Variants in KCNB2 observed in about 807,000 individuals in gnomAD.
KCNB2 encodes potassium voltage-gated channel subfamily B member 2.
In KCNB2, 15 loss-of-function variants were observed where a neutral mutation model predicts 61.5. The observed-to-expected ratio is 0.24, with a 90% CI of 0.16 to 0.38. KCNB2 has a LOEUF of 0.38. Among genes scored for constraint, KCNB2 ranks in the 10% least tolerant of loss-of-function variants. KCNB2 has a pLI of 1.00. For missense variants in KCNB2, 828 were observed against 1,125.2 expected (o/e 0.74, Z 3.78); for synonymous variants, 457 against 446.0 (o/e 1.02, Z -0.31).
intron 2 of KCNB2, among the ~76,000 whole-genome samples, chr8:72,597,787 G>A (rs1480333045): frequency 6.6e-6 from 1 of 152,094 alleles, no homozygotes. Context: ...AACTTTATCA[G>A]CCAGGAAGTC....
chr8:72,844,328 C>T (rs1310949464), intron 2 of KCNB2, among the ~76,000 whole-genome samples: 1 of 152,154 alleles, frequency 6.6e-6, no homozygotes, highest in Non-Finnish European at 1.5e-5. Flanking sequence ...GATGGGTTTC[C>T]CTTTGTGGGT....
chr8:72,846,649 A>G (rs1476029802), intron 2 of KCNB2, among the ~76,000 whole-genome samples: 1 of 152,242 alleles, frequency 6.6e-6, no homozygotes, highest in Non-Finnish European at 1.5e-5. Context: ...CAACAGACAC[A>G]TGAAAAAATG....
intron 2 of KCNB2, among the ~76,000 whole-genome samples, chr8:72,761,862 A>G (rs1245691555): frequency 6.6e-6 from 1 of 152,214 alleles, no homozygotes; most frequent in African/African-American, 2.4e-5. Context: ...GGAGAGAGCT[A>G]CTTGCAAAAG....
chr8:72,868,071 ATTTATTTTTTTTTTTTT>A (rs1563409449), intron 2 of KCNB2, among the ~76,000 whole-genome samples: 1 of 141,624 alleles, frequency 7.1e-6, no homozygotes, highest in East Asian at 2.0e-4. Flanking sequence ...TTTTTTTATT[ATTTATTTTTTTTTTTTT>A]AGAGACAGGG....
At chr8:72,907,345 G>A (rs1806196745) in intron 2 of KCNB2, among the ~76,000 whole-genome samples, 1 of 151,982 alleles carries the variant, frequency 6.6e-6, no homozygotes, top group African/African-American at 2.4e-5. Flanking sequence ...GACAGAGCAA[G>A]ACTCCATCTC....
chr8:72,668,788 C>T (rs1049530050), intron 2 of KCNB2, among the ~76,000 whole-genome samples: 2 of 151,994 alleles, frequency 1.3e-5, no homozygotes, highest in African/African-American at 4.8e-5. Flanking sequence ...TTTGTCTCCC[C>T]AACTAGATCT....
intron 2 of KCNB2, among the ~76,000 whole-genome samples, chr8:72,790,567 T>G (rs1808924130): frequency 6.6e-6 from 1 of 152,074 alleles, no homozygotes; most frequent in Non-Finnish European, 1.5e-5. Flanking sequence ...TGAGAAAGAA[T>G]ATGTTTTTAA....
chr8:72,766,195 TTAAAGAA>T, intron 2 of KCNB2, among the ~76,000 whole-genome samples: 1 of 152,244 alleles, frequency 6.6e-6, no homozygotes, highest in African/African-American at 2.4e-5. Flanking sequence ...TTGAAGAGCT[TTAAAGAA>T]CACAGATTCC....
chr8:72,826,225 T>C (rs1801871257), intron 2 of KCNB2, among the ~76,000 whole-genome samples: 1 of 152,226 alleles, frequency 6.6e-6, no homozygotes, highest in African/African-American at 2.4e-5. Flanking sequence ...TAGCTGAGGC[T>C]GGAAGAGTCT....
intron 2 of KCNB2, among the ~76,000 whole-genome samples, chr8:72,787,511 T>C (rs1225479259): frequency 1.3e-5 from 2 of 151,946 alleles, no homozygotes; most frequent in East Asian, 3.9e-4. Context: ...TTTTAATTAG[T>C]ATAAGTATGG....
chr8:72,827,709 C>A lies in KCNB2; in HGVS notation c.580-108226C>A, dbSNP rs1236570249. On this transcript the variant is annotated intron_variant, in intron 2 of 2. Transcript: ENST00000523207. ...TTAATGAATATTGTTCTTTCTACAA[C>A]AAAATATCTTTCTAATTGCAATCAT... Among the ~76,000 whole-genome samples, 4 of 151,924 alleles carry A rather than the reference C, an allele frequency of 2.6e-5. No individual in the cohort carries two copies. The East Asian group carries it at 7.7e-4, about 29-fold the overall frequency.
chr8:72,672,648 A>G (rs1184388225), intron 2 of KCNB2, among the ~76,000 whole-genome samples: 3 of 151,698 alleles, frequency 2.0e-5, no homozygotes, highest in Non-Finnish European at 2.9e-5. Context: ...TTTTTTTAAT[A>G]TAACAGCAAC....
intron 2 of KCNB2, among the ~76,000 whole-genome samples, chr8:72,872,793 T>C (rs1289109646): frequency 6.6e-6 from 1 of 152,138 alleles, no homozygotes; most frequent in East Asian, 1.9e-4. Context: ...GAAAAGTAAG[T>C]TCTAGAACAA....
At chr8:72,575,650 T>C (rs561364018) in intron 2 of KCNB2, among the ~76,000 whole-genome samples, 6 of 152,276 alleles carry the variant, frequency 3.9e-5, no homozygotes, top group African/African-American at 1.4e-4. Context: ...CTTTGGGCAC[T>C]TTATTAATTT....
chr8:72,936,994 A>G lies in KCNB2; in HGVS notation c.1639A>G (p.Ile547Val). The G allele has an allele frequency of 6.2e-7, 1 of 1,614,120 alleles. No individual in the cohort carries two copies. Among genetic ancestry groups the G allele is most frequent in the Non-Finnish European group, 8.5e-7 (1 of 1,180,002 alleles). Residue 547 changes from isoleucine to valine, a missense_variant, in exon 3 of 3, where the codon ATC (isoleucine) becomes GTC (valine). Ile to Val is a conservative substitution (Grantham distance 29). Around this residue, in one of 4 missense-constraint regions of KCNB2, gnomAD observed 559 missense variants for 588.4 expected, o/e 0.95. Transcript: ENST00000523207. The surrounding 1 kb of genome is among the most constrained non-coding windows in gnomAD (Gnocchi z 5.6). ...AQKLEMLYNE[I>V]TKTQPHSHPN... is the part of the protein sequence containing the mutation. ...GAAACTGGAGATGCTATACAATGAA[A>G]TCACCAAGACACAGCCTCATTCTCA...
At chr8:72,684,937 T>C (rs1806825836) in intron 2 of KCNB2, among the ~76,000 whole-genome samples, 1 of 152,224 alleles carries the variant, frequency 6.6e-6, no homozygotes, top group African/African-American at 2.4e-5. Context: ...CTTTATTCCT[T>C]TGCACTATTA....
chr8:72,929,440 A>T (rs1381428907), intron 2 of KCNB2, among the ~76,000 whole-genome samples: 1 of 152,198 alleles, frequency 6.6e-6, no homozygotes, highest in Non-Finnish European at 1.5e-5. Context: ...TTCAAGGGAG[A>T]AAAAAGGTTG....
chr8:72,741,984 T>C (rs1807968095), intron 2 of KCNB2, among the ~76,000 whole-genome samples: 2 of 152,212 alleles, frequency 1.3e-5, no homozygotes, highest in South Asian at 4.1e-4. Flanking sequence ...GCAATCCCAC[T>C]ATTGGGTATC....
At chr8:72,837,567 T>G (rs6993196) in intron 2 of KCNB2, among the ~76,000 whole-genome samples, 201 of 152,150 alleles carry the variant, frequency 1.3e-3, no homozygotes, top group African/African-American at 4.5e-3. Context: ...AGCTATTAAT[T>G]ACATACAGTG....
Sources: allele counts gnomAD v4.1 joint callset (sites outside exome capture counted in the v4.1 genomes callset), GRCh38; gene constraint gnomAD v4.1.1; regional missense constraint gnomAD v4.1.1; non-coding constraint Gnocchi (gnomAD v3.1); transcripts MANE v1.5; gene names NCBI Gene and HGNC (gene_info 2026-07-23, HGNC 2026-07-21).